The following DDC variants were observed in gnomAD, a reference collection of about 807,000 sequenced individuals.
DDC encodes the protein dopa decarboxylase, also known as aromatic-L-amino-acid decarboxylase.
Under a neutral mutation model 60.0 loss-of-function variants are expected in DDC, and 43 were observed. The observed-to-expected ratio is 0.72, with a 90% CI of 0.56 to 0.92. The LOEUF (loss-of-function observed/expected upper bound fraction) is 0.92. DDC is among the 40% of genes least tolerant of loss of function. DDC has a pLI of 0.00. For missense variants in DDC, 573 were observed against 620.2 expected, an observed-to-expected ratio of 0.92 and a Z score of 0.81; for synonymous variants, 232 against 234.6, an observed-to-expected ratio of 0.99 and a Z score of 0.10.
Position 50,553,157 on chromosome 7 carries a change from A to G in DDC, c.-28-9044T>C, listed in dbSNP as rs111339952. 1.8e-3 allele frequency among the ~76,000 whole-genome samples: 268 copies of G among 152,318 alleles called. 3 individuals carry two copies. The highest frequency in any genetic ancestry group is 6.1e-3 in the African/African-American group (254 of 41,554). ...CAAGCCCGGAGTGGGGATGGCAACC[A>G]TGCACTGTGGATCTGTCCATGGTAC... On this transcript the variant is annotated intron_variant, in intron 1 of 14. Transcript: ENST00000444124.
chr7:50,536,939 A>G (rs1198623440), intron 4 of DDC, among the ~76,000 whole-genome samples: 3 of 152,042 alleles, frequency 2.0e-5, no homozygotes, highest in Non-Finnish European at 2.9e-5. Context: ...CAAAGTTAAC[A>G]ATGCTTTCCT....
chr7:50,553,083 T>C (rs6956737), intron 1 of DDC, among the ~76,000 whole-genome samples: 143,681 of 152,318 alleles, frequency 0.94, 68,088 homozygotes, highest in East Asian at 1. Flanking sequence ...CCTAGCACCA[T>C]GGGCAAGCCC....
rs756621570 is a variant in DDC at position 50,529,190 on chromosome 7, C to A, written c.570+18G>T. On this transcript the variant is annotated intron_variant, in intron 5 of 14. Coordinates refer to ENST00000444124, the MANE Select transcript of DDC (RefSeq NM_001082971.2). ...TCGGGTCTTGAAGTCTTGGCTGATA[C>A]CCCCACAACACACTCACCTGATCGG... 2.5e-6 allele frequency: 4 copies of A among 1,612,606 alleles called. No homozygotes were observed. In the Admixed American group the frequency reaches 6.7e-5, roughly 27 times the overall value.
chr7:50,529,310 C>A lies in DDC; in HGVS notation c.468G>T (p.Leu156=), dbSNP rs751233669. The part of the protein sequence containing the change: ...GSASEATLVA[L]LAARTKVIHR... ...GGATCACTTTGGTCCGAGCGGCCAG[C>A]AGGGCCACCAGGGTGGCTTCACTGG... Residue 156 remains leucine (L), a synonymous_variant, in exon 5 of 15, where the codon CTG becomes CTT. Transcript: ENST00000444124. 1 of 1,614,236 alleles carries A rather than the reference C, an allele frequency of 6.2e-7. No homozygotes were observed. Among genetic ancestry groups the A allele is most frequent in the Non-Finnish European group, 8.5e-7 (1 of 1,180,044 alleles).
intron 4 of DDC, among the ~76,000 whole-genome samples, chr7:50,535,114 C>T (rs554123072): frequency 6.6e-5 from 10 of 152,118 alleles, no homozygotes; most frequent in African/African-American, 1.7e-4. Flanking sequence ...TTCACAGCAA[C>T]GTATTGAAGC....
At chr7:50,473,475 T>C (rs946102749) in intron 11 of DDC, among the ~76,000 whole-genome samples, 2 of 152,292 alleles carry the variant, frequency 1.3e-5, no homozygotes, top group Non-Finnish European at 2.9e-5. Flanking sequence ...CCATCTTTCA[T>C]AAGGTTCATG....
At chr7:50,525,312 A>G (rs1463324420) in intron 6 of DDC, among the ~76,000 whole-genome samples, 1 of 152,154 alleles carries the variant, frequency 6.6e-6, no homozygotes, top group Non-Finnish European at 1.5e-5. Flanking sequence ...AATGACATAG[A>G]CCTATACACA....
chr7:50,551,700 G>A (rs2045000354), intron 1 of DDC, among the ~76,000 whole-genome samples: 3 of 151,884 alleles, frequency 2.0e-5, no homozygotes, highest in Non-Finnish European at 1.5e-5. Flanking sequence ...CTACTCTTAC[G>A]TCTGTTAAAT....
rs1181496880 is a variant in DDC, at chr7:50,539,915, C to A, written c.315G>T (p.Trp105Cys). Residue 105 changes from tryptophan to cysteine, a missense_variant and splice_region_variant, in exon 3 of 15, where the codon TGG becomes TGT. Physicochemically the swap from Trp to Cys is radical, Grantham distance 215 (BLOSUM62 -2). Transcript: ENST00000444124. ...CGAIGCIGFS[W>C]AASPACTELE... ...TCCCGAGGTGCATCCGGACCCTCAC[C>A]CAGGAGAAGCCGATGCAGCCAATGG... 10 of 1,612,854 alleles carry A rather than the reference C, an allele frequency of 6.2e-6. No homozygotes were observed. Among genetic ancestry groups the A allele is most frequent in the Non-Finnish European group, 7.6e-6 (9 of 1,179,164 alleles).
intron 1 of DDC, among the ~76,000 whole-genome samples, chr7:50,552,265 C>CTTAGCCTATGATAAAGGCT (rs2045022225): frequency 6.6e-6 from 1 of 152,196 alleles, no homozygotes; most frequent in African/African-American, 2.4e-5. Flanking sequence ...AGCTGGAAGA[C>CTTAGCCTATGATAAAGGCT]TTAGCCTATG....
intron 7 of DDC, among the ~76,000 whole-genome samples, chr7:50,503,209 C>T (rs2043301301): frequency 6.6e-6 from 1 of 152,266 alleles, no homozygotes; most frequent in South Asian, 2.1e-4. Flanking sequence ...GGCAGCTCCA[C>T]TCACAGCCGA....
intron 1 of DDC, among the ~76,000 whole-genome samples, chr7:50,552,402 A>G (rs898553873): frequency 3.9e-5 from 6 of 152,112 alleles, no homozygotes; most frequent in African/African-American, 7.2e-5. Flanking sequence ...ACTATTCTCC[A>G]TGCTGCGCTA....
At chr7:50,511,459 A>G (rs2043577557) in intron 6 of DDC, among the ~76,000 whole-genome samples, 1 of 152,166 alleles carries the variant, frequency 6.6e-6, no homozygotes, top group African/African-American at 2.4e-5. Flanking sequence ...TGAGGTCAGG[A>G]TTTCGAGACT....
chr7:50,460,255 G>C, intron 14 of DDC, among the ~76,000 whole-genome samples: 1 of 144,734 alleles, frequency 6.9e-6, no homozygotes, highest in African/African-American at 2.6e-5. Flanking sequence ...CCCTGGCCCA[G>C]CCTGCCGCCC....
At chr7:50,518,514 C>G (rs2043800262) in intron 6 of DDC, among the ~76,000 whole-genome samples, 2 of 152,184 alleles carry the variant, frequency 1.3e-5, no homozygotes, top group African/African-American at 2.4e-5. Flanking sequence ...GTCACCAGAA[C>G]AGCATGGTAC....
intron 12 of DDC, among the ~76,000 whole-genome samples, chr7:50,469,251 AT>A (rs72251822): frequency 0.27 from 18,830 of 68,660 alleles, 1,704 homozygotes; most frequent in Middle Eastern, 0.33. Context: ...GCCAATTGTT[AT>A]TTTAAAAAAA....
intron 1 of DDC, 49 bp from the exon 2 acceptor site, chr7:50,544,162 G>T (rs1159790575): frequency 2.8e-6 from 4 of 1,410,466 alleles, no homozygotes; most frequent in Non-Finnish European, 4.0e-6. Flanking sequence ...CCTCTGAACT[G>T]GAAGGCGGGG....
At chr7:50,538,131 T>A in intron 3 of DDC, 152 bp from the exon 4 acceptor site, 1 of 957,658 alleles carries the variant, frequency 1.0e-6, no homozygotes, top group Non-Finnish European at 1.6e-6. Flanking sequence ...CTGTTTGACC[T>A]AGAATCATGC....
chr7:50,525,368 G>A (rs932627165), intron 6 of DDC, among the ~76,000 whole-genome samples: 1 of 152,194 alleles, frequency 6.6e-6, no homozygotes, highest in Non-Finnish European at 1.5e-5. Context: ...TGGTACTATA[G>A]TTATAAAAGT....
Sources: gnomAD v4.1 joint callset for allele counts (sites outside exome capture counted in the v4.1 genomes callset) on GRCh38, gnomAD v4.1.1 for gene constraint, MANE v1.5 for transcripts, NCBI Gene and HGNC (gene_info 2026-07-23, HGNC 2026-07-21) for gene names.